ZNF718: variants seen among roughly 807,000 people sequenced by gnomAD.
The protein encoded by ZNF718 is zinc finger protein 718.
ZNF718 carries 3 observed loss-of-function variants against 2.6 expected under a neutral mutation model. The observed-to-expected ratio is 1.16, with a 90% CI of 0.53 to 3.01. ZNF718 has a LOEUF of 3.01. ZNF718 is among the 30% of genes most tolerant of loss of function. The pLI is 0.03. For synonymous variants in ZNF718, 135 were observed against 77.9 expected, an observed-to-expected ratio of 1.73 and a Z score of -3.86; for missense variants, 468 against 230.0, an observed-to-expected ratio of 2.03 and a Z score of -6.69.
intron 3 of ZNF718, among the ~76,000 whole-genome samples, chr4:192,141 G>A (rs548659241): frequency 2.6e-5 from 4 of 152,282 alleles, no homozygotes; most frequent in East Asian, 3.9e-4. Context: ...GTGGGTCTGC[G>A]ATGGTGGTGA....
chr4:139,284 AT>A (rs1581430521), intron 3 of ZNF718, among the ~76,000 whole-genome samples: 3 of 152,050 alleles, frequency 2.0e-5, no homozygotes, highest in African/African-American at 7.2e-5. Context: ...ATCCGTTTTG[AT>A]TTAATTTTTT....
At chr4:195,587 T>TC (rs1553821881) in intron 3 of ZNF718, among the ~76,000 whole-genome samples, 1 of 148,810 alleles carries the variant, frequency 6.7e-6, no homozygotes, top group Non-Finnish European at 1.5e-5. Context: ...CGTTTTTGCT[T>TC]TTTTTTTTTG....
At chr4:177,320 A>G (rs373188367) in intron 3 of ZNF718, among the ~76,000 whole-genome samples, 9 of 152,292 alleles carry the variant, frequency 5.9e-5, no homozygotes, top group African/African-American at 2.2e-4. Context: ...AGGTCTTGAC[A>G]CACTGACTGC....
exon 5 of ZNF718, chr4:202,155 G>A (rs1717913996): frequency 6.6e-6 from 1 of 152,142 alleles, no homozygotes; most frequent in African/African-American, 2.4e-5. Flanking sequence ...TAGTTCTGAT[G>A]GTTTTATACA....
rs1305939096 is a variant in ZNF718, at chr4:132,231, T to C, written c.226+726T>C. On this transcript the variant is annotated intron_variant, in intron 3 of 3. Transcript: ENST00000510175. ...AGAGCTAGACTCTGTCTCAAATAAA[T>C]AAATAAATGTAGTTTGGGAAGCTCT... Among the ~76,000 whole-genome samples the C allele has an allele frequency of 1.5e-4, 15 of 101,580 alleles. 6 individuals carry two copies. The highest frequency in any genetic ancestry group is 5.1e-4 in the African/African-American group (15 of 29,136). The allele number at this position is 101,580 out of a possible 152,430, so 66.6% of individuals were successfully genotyped here.
intron 3 of ZNF718, among the ~76,000 whole-genome samples, chr4:174,062 A>G (rs1553818667): frequency 6.6e-6 from 1 of 152,122 alleles, no homozygotes; most frequent in Admixed American, 6.6e-5. Flanking sequence ...GTTTTAGGAC[A>G]ACATGAATAA....
chr4:181,405 A>G (rs1553819797), intron 3 of ZNF718, among the ~76,000 whole-genome samples: 2 of 151,862 alleles, frequency 1.3e-5, no homozygotes, highest in Non-Finnish European at 2.9e-5. Flanking sequence ...TGTCCAGTGA[A>G]TATGATAATT....
chr4:146,997 G>A (rs1716095717), intron 3 of ZNF718, among the ~76,000 whole-genome samples: 1 of 151,962 alleles, frequency 6.6e-6, no homozygotes, highest in South Asian at 2.1e-4. Context: ...TTGAGACAGA[G>A]TCTCACTCTG....
chr4:192,551 C>T (rs189261965), intron 3 of ZNF718, among the ~76,000 whole-genome samples: 7 of 152,046 alleles, frequency 4.6e-5, no homozygotes, highest in Admixed American at 1.3e-4. Flanking sequence ...CTCAGTCCCC[C>T]CTCTCAACAG....
rs1225578242 is a variant in ZNF718, at chr4:163,630, A to C, written c.*1508A>C. 3.3e-5 allele frequency: 5 copies of C among 152,292 alleles called. No homozygotes were observed. Among genetic ancestry groups the C allele is most frequent in the African/African-American group, 1.2e-4 (5 of 41,566 alleles). 9.4% of individuals were successfully genotyped at this position (152,292 alleles called of 1,614,324 possible). A position where few individuals can be genotyped will look rare whatever the true frequency, so the allele number is the denominator to read the frequency against. ...GAGAAAAATCTTGAATTTTAGTAAT[A>C]AATTGCTTTTACCAGTTGCACATTT... On this transcript the variant is annotated 3_prime_UTR_variant, in exon 4 of 4. Transcript: ENST00000510175.
At position 133,036 on chromosome 4, in the gene ZNF718, G is replaced by A. The variant is rs1715383870; in HGVS notation, c.226+1531G>A. On this transcript the variant is annotated intron_variant, in intron 3 of 3. Transcript: ENST00000510175. ...TACTAAAAATACAAAAATTAGCCTG[G>A]CATGGTTGTGCGCACCTGTAATCCC... Among the ~76,000 whole-genome samples the A allele has an allele frequency of 2.1e-5, 2 of 95,924 alleles. 1 individual carries two copies. The highest frequency in any genetic ancestry group is 7.3e-5 in the African/African-American group (2 of 27,480). 62.9% of individuals were successfully genotyped at this position (95,924 alleles called of 152,430 possible). A position where few individuals can be genotyped will look rare whatever the true frequency, so the allele number is the denominator to read the frequency against.
intron 3 of ZNF718, among the ~76,000 whole-genome samples, chr4:197,465 G>C (rs782476777): frequency 1.1e-4 from 17 of 152,112 alleles, no homozygotes; most frequent in Non-Finnish European, 2.4e-4. Context: ...CATTAAGACT[G>C]CAAAAGATAG....
At chr4:180,248 C>T (rs1717436731) in intron 3 of ZNF718, among the ~76,000 whole-genome samples, 1 of 152,120 alleles carries the variant, frequency 6.6e-6, no homozygotes, top group African/African-American at 2.4e-5. Context: ...TCAGCTGAAA[C>T]TAATTCCAGT....
intron 3 of ZNF718, among the ~76,000 whole-genome samples, chr4:152,848 C>T (rs929084933): frequency 1.3e-5 from 2 of 151,744 alleles, no homozygotes; most frequent in East Asian, 3.9e-4. Flanking sequence ...AAGTATACTT[C>T]GCAAATATTT....
intron 3 of ZNF718, among the ~76,000 whole-genome samples, chr4:170,113 G>T (rs11934471): frequency 1.3e-4 from 20 of 152,096 alleles, no homozygotes; most frequent in African/African-American, 4.8e-4. Context: ...ATGAAGCTTA[G>T]TTTGGCTGGA....
At chr4:148,425 T>C (rs1488959907) in intron 3 of ZNF718, among the ~76,000 whole-genome samples, 1 of 151,778 alleles carries the variant, frequency 6.6e-6, no homozygotes, top group East Asian at 1.9e-4. Context: ...CCTGGCCAAA[T>C]TGGCCAAATC....
At chr4:154,964 C>T (rs1232818700) in intron 3 of ZNF718, among the ~76,000 whole-genome samples, 1 of 152,152 alleles carries the variant, frequency 6.6e-6, no homozygotes. Flanking sequence ...CTTCCTAGGG[C>T]GTTGGTGCCC....
In ZNF718 at chr4:161,632, G is replaced by T. The variant is rs376123416; in HGVS notation, c.947G>T (p.Cys316Phe). 1 of 780,252 alleles carries T rather than the reference G, an allele frequency of 1.3e-6. No individual in the cohort carries two copies. The highest frequency in any genetic ancestry group is 1.7e-5 in the African/African-American group (1 of 59,248). 48.3% of individuals were successfully genotyped at this position (780,252 alleles called of 1,614,324 possible). ...AGEKPFSCEE[C>F]GNVFTTSSDF... is the part of the protein sequence containing the mutation. ...GAGAAACCCTTCTCATGCGAAGAAT[G>T]TGGCAATGTCTTTACCACATCCTCA... The change falls in exon 4 of 4, where the codon TGT (cysteine) becomes TTT (phenylalanine). Residue 316 changes from cysteine to phenylalanine, a missense_variant. Transcript: ENST00000510175.
At chr4:146,251 C>T (rs782688999) in intron 3 of ZNF718, among the ~76,000 whole-genome samples, 1 of 151,922 alleles carries the variant, frequency 6.6e-6, no homozygotes, top group African/African-American at 2.4e-5. Flanking sequence ...CTGAGAATAT[C>T]TTGATTGATA....
Sources: gnomAD v4.1 joint callset for allele counts (sites outside exome capture counted in the v4.1 genomes callset) on GRCh38, gnomAD v4.1.1 for gene constraint, MANE v1.5 for transcripts, NCBI Gene and HGNC (gene_info 2026-07-23, HGNC 2026-07-21) for gene names.